The following MAP7 variants were observed in gnomAD, a reference collection of about 807,000 sequenced individuals.
MAP7 encodes the protein ensconsin.
A neutral mutation model predicts 94.8 loss-of-function variants in MAP7; 52 were observed. That is an observed-to-expected ratio of 0.55 (90% CI 0.44 to 0.69). MAP7 has a LOEUF of 0.69. Among genes scored for constraint, MAP7 ranks in the 30% least tolerant of loss-of-function variants. The probability of loss-of-function intolerance (pLI) is 0.00; values close to 1 mark genes in which losing one functional copy is unlikely to be tolerated. For synonymous variants in MAP7, 350 were observed against 357.0 expected, an observed-to-expected ratio of 0.98 and a Z score of 0.22; for missense variants, 940 against 964.6, an observed-to-expected ratio of 0.97 and a Z score of 0.34.
intron 8 of MAP7, among the ~76,000 whole-genome samples, chr6:136,370,574 C>T (rs1366669843): frequency 1.3e-5 from 2 of 152,090 alleles, no homozygotes; most frequent in Non-Finnish European, 2.9e-5. Flanking sequence ...TATAATTCAG[C>T]CCTAAAAAGG....
chr6:136,392,398 T>C (rs1403481616), intron 3 of MAP7, among the ~76,000 whole-genome samples: 2 of 150,848 alleles, frequency 1.3e-5, no homozygotes, highest in African/African-American at 2.4e-5. Flanking sequence ...CTTTTTTTTT[T>C]TTTTTTTTTT....
intron 16 of MAP7, among the ~76,000 whole-genome samples, chr6:136,347,337 A>C (rs1325934150): frequency 6.6e-6 from 1 of 152,164 alleles, no homozygotes; most frequent in Non-Finnish European, 1.5e-5. Flanking sequence ...AACAATGCTA[A>C]TGTAAATCCA....
intron 1 of MAP7, among the ~76,000 whole-genome samples, chr6:136,456,840 A>G (rs58410363): frequency 1.3e-3 from 165 of 123,912 alleles, no homozygotes; most frequent in East Asian, 0.011. Flanking sequence ...AAGAAGAAGA[A>G]GAAGAAGAGG....
chr6:136,385,474 T>C (rs1409737881), intron 5 of MAP7, among the ~76,000 whole-genome samples: 3 of 152,180 alleles, frequency 2.0e-5, no homozygotes, highest in Non-Finnish European at 4.4e-5. Flanking sequence ...GCTTTATATG[T>C]TATGCTTTAG....
At chr6:136,437,249 C>A (rs1169007939) in intron 1 of MAP7, among the ~76,000 whole-genome samples, 1 of 152,184 alleles carries the variant, frequency 6.6e-6, no homozygotes, top group African/African-American at 2.4e-5. Flanking sequence ...GCTAGAGAAG[C>A]AATTCCATCT....
At chr6:136,376,970 C>T (rs963764149) in intron 7 of MAP7, among the ~76,000 whole-genome samples, 1 of 152,126 alleles carries the variant, frequency 6.6e-6, no homozygotes, top group South Asian at 2.1e-4. Flanking sequence ...ACCAATTGTC[C>T]CCAAAGATAT....
intron 3 of MAP7, among the ~76,000 whole-genome samples, chr6:136,399,139 G>A (rs1176575236): frequency 2.0e-5 from 3 of 152,162 alleles, no homozygotes; most frequent in Non-Finnish European, 2.9e-5. Flanking sequence ...GAGTCAGAAA[G>A]TGAAAAGTGA....
At chr6:136,364,538 G>T in intron 10 of MAP7, 1 of 247,706 alleles carries the variant, frequency 4.0e-6, no homozygotes, top group Non-Finnish European at 7.9e-6. Context: ...TTCAAAAGTT[G>T]GAGACTATGT....
chr6:136,389,610 A>C (rs1434937531), intron 3 of MAP7, 93 bp from the exon 4 acceptor site: 3 of 1,148,088 alleles, frequency 2.6e-6, no homozygotes, highest in Admixed American at 2.1e-5. Flanking sequence ...AGTGGTCTAC[A>C]ATGAACAAAT....
chr6:136,502,925 T>C (rs9494533), intron 1 of MAP7, among the ~76,000 whole-genome samples: 11,082 of 152,232 alleles, frequency 0.073, 918 homozygotes, highest in African/African-American at 0.2. Context: ...AAACTGAGGT[T>C]GCCAGACCAG....
intron 3 of MAP7, among the ~76,000 whole-genome samples, chr6:136,391,523 C>A (rs558481859): frequency 6.9e-6 from 1 of 145,902 alleles, no homozygotes; most frequent in Non-Finnish European, 1.5e-5. Flanking sequence ...GCACAATGTG[C>A]ACATGTACCC....
At chr6:136,346,590 G>C (rs752964981) in intron 16 of MAP7, among the ~76,000 whole-genome samples, 1 of 152,030 alleles carries the variant, frequency 6.6e-6, no homozygotes, top group Non-Finnish European at 1.5e-5. Context: ...TTTTAAATCT[G>C]TCATTTTGTT....
intron 1 of MAP7, among the ~76,000 whole-genome samples, chr6:136,496,244 G>A (rs1583066052): frequency 6.6e-6 from 1 of 152,216 alleles, no homozygotes; most frequent in South Asian, 2.1e-4. Flanking sequence ...TTTCCTCTTA[G>A]TAGCAGCTCC....
chr6:136,540,938 A>G (rs1459352410), intron 1 of MAP7, among the ~76,000 whole-genome samples: 1 of 152,218 alleles, frequency 6.6e-6, no homozygotes, highest in East Asian at 1.9e-4. Flanking sequence ...ACTCCAGCAC[A>G]TGGGCGCAAT....
chr6:136,481,540 T>A (rs1422261448), intron 1 of MAP7, among the ~76,000 whole-genome samples: 3 of 152,206 alleles, frequency 2.0e-5, no homozygotes, highest in Non-Finnish European at 2.9e-5. Context: ...TGTTCTCATT[T>A]GTGGAAGCTA....
Position 136,456,849 on chromosome 6 carries a change from G to GAAGAAGAA in MAP7, c.68-35051_68-35050insTTCTTCTT, listed in dbSNP as rs1562422597. Among the ~76,000 whole-genome samples the GAAGAAGAA allele has an allele frequency of 5.8e-3, 414 of 71,940 alleles. 19 individuals carry two copies. The highest frequency in any genetic ancestry group is 7.3e-3 in the Non-Finnish European group (267 of 36,788). The allele number at this position is 71,940 out of a possible 152,430, so 47.2% of individuals were successfully genotyped here. ...AAGAAGAAGAAGAAGAAGAAGAAGA[G>GAAGAAGAA]GAAGAAGAAGAAGAAGAAGAAGAAA... On this transcript the variant is annotated intron_variant, in intron 1 of 17. Coordinates refer to ENST00000354570, the MANE Select transcript of MAP7 (RefSeq NM_003980.6).
chr6:136,389,505 A>G lies in MAP7; in HGVS notation c.257T>C (p.Ile86Thr), dbSNP rs773352677. The G allele has an allele frequency of 1.9e-6, 3 of 1,604,218 alleles. No individual in the cohort carries two copies. Among genetic ancestry groups the G allele is most frequent in the African/African-American group, 2.8e-5 (2 of 72,656 alleles). ...TCGCTCTTCTCTTTCTAACCACACT[A>G]TTTCTCTTGCAGCTTTGGGGAGGGT... The part of the protein sequence containing the change: ...EREKQLAARE[I>T]VWLEREERAR... Residue 86 changes from isoleucine to threonine, a missense_variant, in exon 4 of 18, where the codon ATA (isoleucine) becomes ACA (threonine). Coordinates refer to ENST00000354570, the MANE Select transcript of MAP7 (RefSeq NM_003980.6).
At chr6:136,522,585 G>C (rs374096779) in intron 1 of MAP7, among the ~76,000 whole-genome samples, 5 of 152,278 alleles carry the variant, frequency 3.3e-5, no homozygotes, top group Admixed American at 2.0e-4. Flanking sequence ...GTAGAAAAAA[G>C]ACACTAAGCA....
intron 1 of MAP7, among the ~76,000 whole-genome samples, chr6:136,536,772 G>A (rs1828921100): frequency 6.6e-6 from 1 of 152,198 alleles, no homozygotes; most frequent in South Asian, 2.1e-4. Context: ...AGCAAAAACT[G>A]TTTTGAAAAT....
Sources: allele counts gnomAD v4.1 joint callset (sites outside exome capture counted in the v4.1 genomes callset), GRCh38; gene constraint gnomAD v4.1.1; transcripts MANE v1.5; gene names NCBI Gene and HGNC (gene_info 2026-07-23, HGNC 2026-07-21).